Variants in HMGA2 observed in about 807,000 individuals in gnomAD.
The protein encoded by HMGA2 is high mobility group protein HMGI-C.
In HMGA2, 8 loss-of-function variants were observed where a neutral mutation model predicts 19.1. The observed-to-expected ratio is 0.42, with a 90% confidence interval of 0.25 to 0.76. The LOEUF is 0.76. Ranked by LOEUF, HMGA2 falls within the 30% of genes least tolerant of loss-of-function variation. The probability of loss-of-function intolerance (pLI) is 0.28; values close to 1 mark genes in which losing one functional copy is unlikely to be tolerated. For missense variants in HMGA2, 109 were observed against 136.3 expected (o/e 0.80, Z 1.00); for synonymous variants, 60 against 48.8 (o/e 1.23, Z -0.96).
chr12:65,848,179 T>C (rs559964336), intron 3 of HMGA2, among the ~76,000 whole-genome samples: 1 of 152,220 alleles, frequency 6.6e-6, no homozygotes, highest in Non-Finnish European at 1.5e-5. Flanking sequence ...TAGACTCTTA[T>C]GCTGTACCTT....
rs187405144 is a variant in HMGA2 at position 65,952,444 on chromosome 12, C to G, written c.282+1029C>G. On this transcript the variant is annotated intron_variant, in intron 4 of 4. Coordinates refer to ENST00000403681, the MANE Select transcript of HMGA2 (RefSeq NM_003483.6). ...AATGCCACTTAGAAGAGAATTGAAA[C>G]TTCCAAACACATGAAAGGATCCAAG... The G allele has an allele frequency of 5.4e-5, 83 of 1,533,540 alleles. No individual in the cohort carries two copies. In the Admixed American group the frequency reaches 8.8e-4, roughly 16 times the overall value. The allele number at this position is 1,533,540 out of a possible 1,614,324, so 95.0% of individuals were successfully genotyped here. A position where few individuals can be genotyped will look rare whatever the true frequency, so the allele number is the denominator to read the frequency against.
At chr12:65,847,022 T>C (rs1871259301) in intron 3 of HMGA2, among the ~76,000 whole-genome samples, 1 of 152,180 alleles carries the variant, frequency 6.6e-6, no homozygotes, top group Non-Finnish European at 1.5e-5. Context: ...TGACACACTA[T>C]TTGAATTTAC....
chr12:65,934,261 A>C (rs546319044), intron 3 of HMGA2, among the ~76,000 whole-genome samples: 22 of 152,328 alleles, frequency 1.4e-4, no homozygotes, highest in African/African-American at 4.6e-4. Context: ...CATTGATAAA[A>C]TACAGGGGCT....
intron 3 of HMGA2, among the ~76,000 whole-genome samples, chr12:65,838,986 C>CTTTTTTTTTTTTTTTTTTTTTTTTTTTT (rs1236837070): frequency 1.1e-5 from 1 of 91,358 alleles, no homozygotes; most frequent in Non-Finnish European, 1.9e-5. Context: ...CTTTTTCTTT[C>CTTTTTTTTTTTTTTTTTTTTTTTTTTTT]TTTTTCTTTT....
chr12:65,864,226 G>A (rs1872264721), intron 3 of HMGA2, among the ~76,000 whole-genome samples: 1 of 151,978 alleles, frequency 6.6e-6, no homozygotes, highest in South Asian at 2.1e-4. Context: ...AGACTCTGAG[G>A]GCTCCAGGAT....
At position 65,838,619 on chromosome 12, in the gene HMGA2, G is replaced by A. The variant is rs750013705; in HGVS notation, c.249+50G>A. ...TTCTTTTTTTTAAAGAAAAATTTCT[G>A]TTGTATTAAATGAGAAAAGTTTTAT... On this transcript the variant is annotated intron_variant, in intron 3 of 4. Transcript: ENST00000403681. 4 of 1,349,624 alleles carry A rather than the reference G, an allele frequency of 3.0e-6. No homozygotes were observed. The Admixed American group carries it at 7.1e-5, about 24-fold the overall frequency. The allele number at this position is 1,349,624 out of a possible 1,614,324, so 83.6% of individuals were successfully genotyped here. A position where few individuals can be genotyped will look rare whatever the true frequency, so the allele number is the denominator to read the frequency against.
chr12:65,875,610 TTTTTTTTTTTTTTTTTTTTTA>T (rs1384668910), intron 3 of HMGA2, among the ~76,000 whole-genome samples: 1 of 119,238 alleles, frequency 8.4e-6, no homozygotes. Context: ...TTTTTTTTTT[TTTTTTTTTTTTTTTTTTTTTA>T]GTAAAGACAA....
chr12:65,872,756 T>G (rs1872774311), intron 3 of HMGA2, among the ~76,000 whole-genome samples: 1 of 152,196 alleles, frequency 6.6e-6, no homozygotes, highest in African/African-American at 2.4e-5. Flanking sequence ...TTACCTCCAT[T>G]ATCACTGCAA....
At chr12:65,940,849 G>A (rs951769663) in intron 3 of HMGA2, among the ~76,000 whole-genome samples, 2 of 152,072 alleles carry the variant, frequency 1.3e-5, no homozygotes, top group African/African-American at 4.8e-5. Context: ...TTGTTGTAAG[G>A]GTTAAAATCA....
At chr12:65,832,684 A>G (rs1719149618) in intron 2 of HMGA2, among the ~76,000 whole-genome samples, 1 of 152,066 alleles carries the variant, frequency 6.6e-6, no homozygotes, top group South Asian at 2.1e-4. Context: ...GCCAACCAAG[A>G]GAAAAGGGGA....
Position 65,863,986 on chromosome 12 carries a change from TATC to T in HMGA2, c.249+25420_249+25422del, listed in dbSNP as rs1872249391. Reference sequence around the variant, plus strand: ...ATGAAAATCCACCAAAGGAAAGAAATATCATTTCCCGCACTGTGGCTCTGCAAT... The same window carrying T: ...ATGAAAATCCACCAAAGGAAAGAAATATTTCCCGCACTGTGGCTCTGCAAT... On this transcript the variant is annotated intron_variant, in intron 3 of 4. Coordinates refer to ENST00000403681, the MANE Select transcript of HMGA2 (RefSeq NM_003483.6). Among the ~76,000 whole-genome samples, 4 of 152,168 alleles carry T rather than the reference TATC, an allele frequency of 2.6e-5. No individual in the cohort carries two copies. In the South Asian group the frequency reaches 8.3e-4, roughly 31 times the overall value.
At chr12:65,841,041 GTCAT>G (rs1870973691) in intron 3 of HMGA2, among the ~76,000 whole-genome samples, 1 of 152,118 alleles carries the variant, frequency 6.6e-6, no homozygotes, top group African/African-American at 2.4e-5. Context: ...GTACTTCGAA[GTCAT>G]TCAGTTTACA....
At chr12:65,871,883 A>G (rs994280717) in intron 3 of HMGA2, among the ~76,000 whole-genome samples, 2 of 152,188 alleles carry the variant, frequency 1.3e-5, no homozygotes, top group Admixed American at 6.5e-5. Flanking sequence ...TAATTTTCCT[A>G]TTTGATAGGC....
chr12:65,915,088 G>A, intron 3 of HMGA2: 9 of 1,613,886 alleles, frequency 5.6e-6, no homozygotes, highest in Non-Finnish European at 7.6e-6. Flanking sequence ...CCAGCTCCAA[G>A]AAGAAAACAT....
chr12:65,853,595 T>A (rs562419963), intron 3 of HMGA2, among the ~76,000 whole-genome samples: 7 of 152,330 alleles, frequency 4.6e-5, no homozygotes, highest in African/African-American at 1.4e-4. Flanking sequence ...TCTATGGCTG[T>A]CTGTGACCTT....
chr12:65,903,075 GGTTT>G (rs1299076299), intron 3 of HMGA2, among the ~76,000 whole-genome samples: 1 of 151,856 alleles, frequency 6.6e-6, no homozygotes, highest in Non-Finnish European at 1.5e-5. Flanking sequence ...TGTTTGTTTT[GGTTT>G]GTTTGTTTTT....
chr12:65,936,174 G>A (rs934530774), intron 3 of HMGA2, among the ~76,000 whole-genome samples: 2 of 150,356 alleles, frequency 1.3e-5, no homozygotes. Context: ...ATGAATGCGT[G>A]TGTTCTTTGC....
chr12:65,866,121 T>G (rs756567192), intron 3 of HMGA2, among the ~76,000 whole-genome samples: 2 of 152,138 alleles, frequency 1.3e-5, no homozygotes, highest in African/African-American at 2.4e-5. Flanking sequence ...AAATGGAAAT[T>G]GAGACTGACT....
At chr12:65,915,774 T>C (rs1471639693) in intron 3 of HMGA2, among the ~76,000 whole-genome samples, 1 of 152,236 alleles carries the variant, frequency 6.6e-6, no homozygotes, top group African/African-American at 2.4e-5. Flanking sequence ...TTTGGACATT[T>C]GGGTATTAAC....
Sources: gnomAD v4.1 joint callset for allele counts (sites outside exome capture counted in the v4.1 genomes callset) on GRCh38, gnomAD v4.1.1 for gene constraint, MANE v1.5 for transcripts, NCBI Gene and HGNC (gene_info 2026-07-23, HGNC 2026-07-21) for gene names.